Variants in TTLL11 observed in about 807,000 individuals in gnomAD.
The protein encoded by TTLL11 is tubulin tyrosine ligase like 11.
TTLL11 carries 42 observed loss-of-function variants against 51.7 expected under a neutral mutation model. The observed-to-expected ratio is 0.81, with a 90% confidence interval of 0.64 to 1.05. TTLL11 has a LOEUF of 1.05. Among genes scored for constraint, TTLL11 ranks in the 50% least tolerant of loss-of-function variants. TTLL11 has a pLI of 0.00. For missense variants in TTLL11, 799 were observed against 940.4 expected, an observed-to-expected ratio of 0.85 and a Z score of 1.97; for synonymous variants, 381 against 383.5, an observed-to-expected ratio of 0.99 and a Z score of 0.08.
chr9:122,092,801 C>T lies in TTLL11; in HGVS notation c.348G>A (p.Ser116=), dbSNP rs763762038. 2 of 1,544,406 alleles carry T rather than the reference C, an allele frequency of 1.3e-6. No individual in the cohort carries two copies. The highest frequency in any genetic ancestry group is 1.9e-5 in the Admixed American group (1 of 52,098). The change falls in exon 1 of 9, where the codon TCG becomes TCA. Residue 116 remains serine (S), a synonymous_variant. Coordinates refer to ENST00000321582, the MANE Select transcript of TTLL11 (RefSeq NM_001139442.2). ...AGCCGTTCTCGCCGGAACCGTGGCC[C>T]GAGCTCCGCTTGCAGCTTCGGCCCT... ...RDKGRSCKRS[S]GHGSGENGSQ...
In TTLL11 at chr9:121,989,321, G is replaced by A; in HGVS notation, c.1143C>T (p.Asp381=). Residue 381 remains aspartate, a synonymous_variant, in exon 4 of 9, where the codon GAC becomes GAT. Transcript: ENST00000321582. This position sits in a 1 kb window ranked among gnomAD's most constrained non-coding sequence, Gnocchi z 4.2. The part of the protein sequence containing the change: ...ILCRLSSKGV[D]IKKVWSDIIS... ...TGATGTCAGACCAGACCTTCTTGAT[G>A]TCAACGCCTTTGGAAGACAGTCTAC... 1 of 1,614,172 alleles carries A rather than the reference G, an allele frequency of 6.2e-7. No individual in the cohort carries two copies. Among genetic ancestry groups the A allele is most frequent in the Non-Finnish European group, 8.5e-7 (1 of 1,180,032 alleles).
intron 1 of TTLL11, among the ~76,000 whole-genome samples, chr9:122,062,462 CTTTTTTTTT>C (rs386416145): frequency 2.3e-4 from 18 of 77,700 alleles, no homozygotes; most frequent in Admixed American, 5.6e-4. Flanking sequence ...TTATATTATG[CTTTTTTTTT>C]TTTTTTTTTT....
chr9:121,905,415 G>A (rs1050118291), intron 6 of TTLL11, among the ~76,000 whole-genome samples: 6 of 150,858 alleles, frequency 4.0e-5, no homozygotes, highest in African/African-American at 9.8e-5. Flanking sequence ...GAGATGGCAC[G>A]AACTCGGCTC....
At chr9:122,024,043 T>C (rs1384519154) in intron 3 of TTLL11, among the ~76,000 whole-genome samples, 1 of 152,082 alleles carries the variant, frequency 6.6e-6, no homozygotes, top group Non-Finnish European at 1.5e-5. Flanking sequence ...ATAGTCCATA[T>C]AGAAAATCCA....
chr9:121,867,932 A>G (rs891105925), intron 7 of TTLL11, among the ~76,000 whole-genome samples: 11 of 152,194 alleles, frequency 7.2e-5, no homozygotes, highest in African/African-American at 2.7e-4. Context: ...AACAGTCGTT[A>G]GGTTAAACCA....
At chr9:121,861,462 C>T (rs1483546561) in intron 7 of TTLL11, among the ~76,000 whole-genome samples, 10 of 152,140 alleles carry the variant, frequency 6.6e-5, no homozygotes, top group Admixed American at 5.2e-4. Flanking sequence ...TTCTGAGTCT[C>T]GGTGTCCTCA....
intron 3 of TTLL11, among the ~76,000 whole-genome samples, chr9:122,026,677 A>G (rs1461362335): frequency 6.6e-6 from 1 of 152,142 alleles, no homozygotes; most frequent in Non-Finnish European, 1.5e-5. Flanking sequence ...CAGAGTCTCA[A>G]AATATCTCCT....
intron 1 of TTLL11, among the ~76,000 whole-genome samples, chr9:122,053,389 T>A (rs1845212760): frequency 6.6e-6 from 1 of 151,998 alleles, no homozygotes; most frequent in Non-Finnish European, 1.5e-5. Flanking sequence ...AGCAGAGATG[T>A]CCCACGTGCC....
At chr9:121,954,151 T>C (rs1452806071) in intron 6 of TTLL11, among the ~76,000 whole-genome samples, 2 of 152,232 alleles carry the variant, frequency 1.3e-5, no homozygotes, top group African/African-American at 4.8e-5. Flanking sequence ...AACACTAGTA[T>C]TGCTTCCTTT....
chr9:122,085,940 T>C (rs1439993933), intron 1 of TTLL11, among the ~76,000 whole-genome samples: 7 of 152,202 alleles, frequency 4.6e-5, no homozygotes, highest in Non-Finnish European at 1.0e-4. Flanking sequence ...AATACAACAC[T>C]TCCCCTTGAG....
At chr9:121,978,455 T>G (rs1343783701) in intron 4 of TTLL11, among the ~76,000 whole-genome samples, 1 of 55,876 alleles carries the variant, frequency 1.8e-5, no homozygotes, top group Non-Finnish European at 3.6e-5. Context: ...AAAGCTTTAT[T>G]TATTTATTTA....
chr9:121,881,440 C>T (rs1002180404), intron 6 of TTLL11, among the ~76,000 whole-genome samples: 7 of 152,162 alleles, frequency 4.6e-5, no homozygotes, highest in African/African-American at 7.2e-5. Context: ...TCAGTAATTC[C>T]GTAGGCATAT....
At chr9:122,085,049 C>T (rs556531535) in intron 1 of TTLL11, among the ~76,000 whole-genome samples, 5 of 152,282 alleles carry the variant, frequency 3.3e-5, no homozygotes, top group Admixed American at 3.3e-4. Flanking sequence ...CATCTGAGGT[C>T]AGGAGTTCGA....
intron 1 of TTLL11, among the ~76,000 whole-genome samples, chr9:122,056,801 C>T (rs1845300939): frequency 6.6e-6 from 1 of 152,128 alleles, no homozygotes; most frequent in Non-Finnish European, 1.5e-5. Context: ...TATCAGTGAC[C>T]AACAGAACCG....
In TTLL11 at chr9:122,082,472, G is replaced by A. The variant is rs956189646; in HGVS notation, c.462+10215C>T. Among the ~76,000 whole-genome samples the A allele has an allele frequency of 1.8e-4, 26 of 145,352 alleles. 1 individual carries two copies. Among genetic ancestry groups the A allele is most frequent in the Middle Eastern group, 3.6e-3 (1 of 276 alleles). On this transcript the variant is annotated intron_variant, in intron 1 of 8. Transcript: ENST00000321582. ...AGCCAACATAGTGCCATTGCACTCC[G>A]GCCTAGGTGACAGAGCGAGACTCTG...
At chr9:121,875,089 C>G (rs1419130010) in intron 6 of TTLL11, among the ~76,000 whole-genome samples, 1 of 152,166 alleles carries the variant, frequency 6.6e-6, no homozygotes. Flanking sequence ...ACCGTTTTAA[C>G]CATTTTCAAG....
intron 3 of TTLL11, among the ~76,000 whole-genome samples, chr9:122,023,695 T>C (rs1461243653): frequency 2.0e-5 from 3 of 150,896 alleles, no homozygotes; most frequent in African/African-American, 7.3e-5. Context: ...AGAAGATCCA[T>C]ATGATCATCT....
chr9:121,952,504 T>C (rs7854089), intron 6 of TTLL11, among the ~76,000 whole-genome samples: 1 of 150,432 alleles, frequency 6.6e-6, no homozygotes, highest in Non-Finnish European at 1.5e-5. Context: ...TCAGGGTCCA[T>C]AGCTTGTTCT....
At chr9:121,916,924 T>C (rs958046485) in intron 6 of TTLL11, among the ~76,000 whole-genome samples, 2 of 152,128 alleles carry the variant, frequency 1.3e-5, no homozygotes, top group Non-Finnish European at 2.9e-5. Flanking sequence ...GCAGACACAA[T>C]TAAAGGCCCA....
Sources: allele counts gnomAD v4.1 joint callset (sites outside exome capture counted in the v4.1 genomes callset), GRCh38; gene constraint gnomAD v4.1.1; non-coding constraint Gnocchi (gnomAD v3.1); transcripts MANE v1.5; gene names NCBI Gene and HGNC (gene_info 2026-07-23, HGNC 2026-07-21).